The following LPIN2 variants were observed in gnomAD, a reference collection of about 807,000 sequenced individuals.
LPIN2 encodes phosphatidate phosphatase LPIN2.
Under a neutral mutation model 111.4 loss-of-function variants are expected in LPIN2, and 55 were observed. The ratio of observed to expected loss-of-function variants is 0.49; its 90% CI spans 0.40 to 0.62. The LOEUF (loss-of-function observed/expected upper bound fraction) is 0.62, where lower values mean the gene tolerates loss of function less well. Ranked by LOEUF, LPIN2 falls within the 20% of genes least tolerant of loss-of-function variation. The probability of loss-of-function intolerance (pLI) is 0.00; values close to 1 mark genes in which losing one functional copy is unlikely to be tolerated. For missense variants in LPIN2, 992 were observed against 1,112.1 expected, an observed-to-expected ratio of 0.89 and a Z score of 1.54; for synonymous variants, 425 against 414.0, an observed-to-expected ratio of 1.03 and a Z score of -0.32.
At chr18:2,987,756 C>T (rs2078207130) in intron 1 of LPIN2, among the ~76,000 whole-genome samples, 1 of 152,084 alleles carries the variant, frequency 6.6e-6, no homozygotes, top group Non-Finnish European at 1.5e-5. Flanking sequence ...CCACCTTCTT[C>T]CATCTATAGA....
intron 7 of LPIN2, among the ~76,000 whole-genome samples, chr18:2,936,734 C>T (rs1271704247): frequency 2.6e-5 from 4 of 152,140 alleles, no homozygotes; most frequent in Non-Finnish European, 5.9e-5. Context: ...TGAACGCCAC[C>T]ATGCCAGGCT....
intron 4 of LPIN2, among the ~76,000 whole-genome samples, chr18:2,947,570 T>TGC (rs1246926978): frequency 6.6e-6 from 1 of 152,248 alleles, no homozygotes; most frequent in Non-Finnish European, 1.5e-5. Context: ...CTCTTCCATC[T>TGC]GCCTCCTTCA....
intron 8 of LPIN2, among the ~76,000 whole-genome samples, chr18:2,933,776 A>C (rs2077246431): frequency 6.6e-6 from 1 of 152,044 alleles, no homozygotes; most frequent in Admixed American, 6.5e-5. Context: ...AGGCAGTCCA[A>C]GTGTATCATA....
At chr18:2,998,530 AAAC>A (rs888120899) in intron 1 of LPIN2, among the ~76,000 whole-genome samples, 16 of 152,262 alleles carry the variant, frequency 1.1e-4, no homozygotes, top group Middle Eastern at 3.4e-3. Context: ...GGGAGGGAGA[AAAC>A]AACAACAACA....
chr18:2,968,121 G>A (rs898998930), intron 1 of LPIN2, among the ~76,000 whole-genome samples: 5 of 152,140 alleles, frequency 3.3e-5, no homozygotes, highest in African/African-American at 1.2e-4. Flanking sequence ...TAGGGCGACT[G>A]GTCAAAGTGT....
intron 1 of LPIN2, among the ~76,000 whole-genome samples, chr18:3,006,041 CTCTT>C (rs886203432): frequency 1.3e-5 from 2 of 152,162 alleles, no homozygotes; most frequent in African/African-American, 4.8e-5. Flanking sequence ...TCTGGCAAAT[CTCTT>C]TCAGCTTCAG....
rs2076992713 is a variant in LPIN2, at chr18:2,917,863, C to T, written c.*2430G>A. On this transcript the variant is annotated 3_prime_UTR_variant, in exon 20 of 20. Coordinates refer to ENST00000677752, the MANE Select transcript of LPIN2 (RefSeq NM_001375808.2). ...AATAATGACTTAGAGCCCAATCTGC[C>T]TGCCATCTCCCTGAGCCGTCACCCG... 6.6e-6 allele frequency: 1 copy of T among 152,188 alleles called. No homozygotes were observed. Among genetic ancestry groups the T allele is most frequent in the Admixed American group, 6.5e-5 (1 of 15,276 alleles). 9.4% of individuals were successfully genotyped at this position (152,188 alleles called of 1,614,324 possible).
At chr18:3,005,952 C>CA (rs1395711830) in intron 1 of LPIN2, among the ~76,000 whole-genome samples, 4 of 152,196 alleles carry the variant, frequency 2.6e-5, no homozygotes, top group South Asian at 2.1e-4. Flanking sequence ...CAGGAACTGT[C>CA]AGAGTCCTTG....
chr18:2,937,250 A>G (rs1235272326), intron 7 of LPIN2, among the ~76,000 whole-genome samples: 1 of 152,104 alleles, frequency 6.6e-6, no homozygotes, highest in South Asian at 2.1e-4. Context: ...ATTGTAAGAA[A>G]GTGAGTGACG....
intron 1 of LPIN2, among the ~76,000 whole-genome samples, chr18:2,986,675 G>C (rs2078191620): frequency 1.3e-5 from 2 of 152,104 alleles, no homozygotes; most frequent in Admixed American, 6.5e-5. Flanking sequence ...AAGGAGCTTA[G>C]GACCAAACAA....
At chr18:2,963,430 C>T (rs1568579731) in intron 1 of LPIN2, among the ~76,000 whole-genome samples, 1 of 151,400 alleles carries the variant, frequency 6.6e-6, no homozygotes, top group Non-Finnish European at 1.5e-5. Context: ...GAAAGCCACA[C>T]TCTGAACCAG....
intron 1 of LPIN2, among the ~76,000 whole-genome samples, chr18:3,012,522 T>C (rs1441880305): frequency 6.6e-6 from 1 of 152,190 alleles, no homozygotes; most frequent in African/African-American, 2.4e-5. Context: ...ACTAACCACA[T>C]TTGAATCCGG....
chr18:3,003,887 TGA>T (rs1272512357), intron 1 of LPIN2, among the ~76,000 whole-genome samples: 6 of 152,190 alleles, frequency 3.9e-5, no homozygotes, highest in Non-Finnish European at 8.8e-5. Flanking sequence ...AGCCTATAAA[TGA>T]ACGTGTAAGT....
intron 1 of LPIN2, among the ~76,000 whole-genome samples, chr18:2,982,177 G>T (rs1322512562): frequency 6.6e-6 from 1 of 152,104 alleles, no homozygotes; most frequent in African/African-American, 2.4e-5. Context: ...TCTTGTTTAT[G>T]ATCACAGAAG....
chr18:3,011,201 G>A (rs73939711), intron 1 of LPIN2, among the ~76,000 whole-genome samples: 4,158 of 152,260 alleles, frequency 0.027, 169 homozygotes, highest in African/African-American at 0.091. Flanking sequence ...AGCCCCAGCT[G>A]ACTCTATTAT....
intron 1 of LPIN2, chr18:2,990,711 T>C (rs1043997461): frequency 9.6e-6 from 3 of 313,886 alleles, no homozygotes; most frequent in Admixed American, 7.9e-5. Flanking sequence ...CATATTGCAG[T>C]GGTAGGAAAC....
intron 1 of LPIN2, 59 bp from the exon 2 acceptor site, chr18:2,960,908 G>A (rs941977132): frequency 1.4e-6 from 2 of 1,383,392 alleles, no homozygotes; most frequent in Non-Finnish European, 2.0e-6. Context: ...TATTGACAAA[G>A]AAATAACAGT....
intron 8 of LPIN2, among the ~76,000 whole-genome samples, chr18:2,933,081 A>C (rs904696607): frequency 6.6e-6 from 1 of 152,260 alleles, no homozygotes; most frequent in Non-Finnish European, 1.5e-5. Flanking sequence ...TGATAATTAC[A>C]AATACTGTAA....
At chr18:2,922,867 G>A (rs1390520888) in intron 16 of LPIN2, among the ~76,000 whole-genome samples, 1 of 152,132 alleles carries the variant, frequency 6.6e-6, no homozygotes, top group Non-Finnish European at 1.5e-5. Flanking sequence ...ATTTATAAAG[G>A]CAATGTGCAA....
Sources: allele counts gnomAD v4.1 joint callset (sites outside exome capture counted in the v4.1 genomes callset), GRCh38; gene constraint gnomAD v4.1.1; transcripts MANE v1.5; gene names NCBI Gene and HGNC (gene_info 2026-07-23, HGNC 2026-07-21).